Variants in SOAT1 observed in about 807,000 individuals in gnomAD.
SOAT1 encodes the protein acyl-coenzyme A:cholesterol acyltransferase 1.
SOAT1 carries 55 observed loss-of-function variants against 69.5 expected under a neutral mutation model. The ratio of observed to expected loss-of-function variants is 0.79; its 90% CI spans 0.64 to 0.99. The LOEUF (loss-of-function observed/expected upper bound fraction) is 0.99, where lower values mean the gene tolerates loss of function less well. Ranked by LOEUF, SOAT1 falls within the 50% of genes least tolerant of loss-of-function variation. The probability of loss-of-function intolerance (pLI) is 0.00; values close to 1 mark genes in which losing one functional copy is unlikely to be tolerated. For synonymous variants in SOAT1, 231 were observed against 224.7 expected, an observed-to-expected ratio of 1.03 and a Z score of -0.25; for missense variants, 580 against 669.3, an observed-to-expected ratio of 0.87 and a Z score of 1.47.
intron 4 of SOAT1, among the ~76,000 whole-genome samples, chr1:179,336,920 G>A (rs1047677588): frequency 4.0e-5 from 6 of 151,886 alleles, no homozygotes; most frequent in Admixed American, 6.6e-5. Flanking sequence ...ACTCAAACCC[G>A]GGGGAAGGAG....
chr1:179,327,473 TGTATAG>T (rs1271620802), intron 3 of SOAT1, among the ~76,000 whole-genome samples: 3 of 152,164 alleles, frequency 2.0e-5, no homozygotes, highest in Non-Finnish European at 2.9e-5. Flanking sequence ...TGCTTGTTAT[TGTATAG>T]GTAGTAGATA....
chr1:179,350,624 T>C (rs1666692083), intron 14 of SOAT1, among the ~76,000 whole-genome samples, 193 bp downstream of exon 14: 1 of 152,228 alleles, frequency 6.6e-6, no homozygotes, highest in African/African-American at 2.4e-5. Context: ...TATTTACACT[T>C]TGAAGTAGGG....
Position 179,299,745 on chromosome 1 carries a change from C to CTTTTTTTTTTTTTTT in SOAT1, c.-8-2920_-8-2906dup, listed in dbSNP as rs1162260815. Among the ~76,000 whole-genome samples, 17 of 69,520 alleles carry CTTTTTTTTTTTTTTT rather than the reference C, an allele frequency of 2.4e-4. 3 individuals are homozygous for CTTTTTTTTTTTTTTT. The highest frequency in any genetic ancestry group is 3.4e-4 in the African/African-American group (6 of 17,520). 45.6% of individuals were successfully genotyped at this position (69,520 alleles called of 152,430 possible). A position where few individuals can be genotyped will look rare whatever the true frequency, so the allele number is the denominator to read the frequency against. ...ATTTATTTTTTAATCATTTTGCTAT[C>CTTTTTTTTTTTTTTT]TTTTTTTTTTTTTTTTTTTTTTTTT... On this transcript the variant is annotated intron_variant, in intron 1 of 15. Transcript: ENST00000367619.
At chr1:179,342,795 TC>T in intron 8 of SOAT1, 66 bp from the exon 9 acceptor site, 8 of 1,102,770 alleles carry the variant, frequency 7.3e-6, no homozygotes, top group South Asian at 2.5e-5. Flanking sequence ...TTCCTTATAT[TC>T]CCCCCTGTAT....
chr1:179,350,189 A>G, intron 13 of SOAT1, 107 bp from the exon 14 acceptor site: 1 of 838,418 alleles, frequency 1.2e-6, no homozygotes, highest in Non-Finnish European at 1.8e-6. Context: ...TAGAAAATTA[A>G]GTACAAATAC....
chr1:179,315,266 G>A (rs536775155), intron 2 of SOAT1, among the ~76,000 whole-genome samples: 16 of 152,192 alleles, frequency 1.1e-4, no homozygotes, highest in African/African-American at 1.4e-4. Flanking sequence ...GCAACATAGC[G>A]AGGCTCTGCC....
chr1:179,326,877 A>T (rs539115230), intron 3 of SOAT1, among the ~76,000 whole-genome samples: 3 of 152,090 alleles, frequency 2.0e-5, no homozygotes, highest in Non-Finnish European at 4.4e-5. Flanking sequence ...ATGTTTCTGA[A>T]CAAGATATAG....
chr1:179,318,549 T>C (rs967368761), intron 2 of SOAT1, among the ~76,000 whole-genome samples: 1 of 152,104 alleles, frequency 6.6e-6, no homozygotes, highest in Non-Finnish European at 1.5e-5. Flanking sequence ...TAGAATGAAA[T>C]GAATTTTAGA....
chr1:179,321,884 C>CT (rs973412199), intron 2 of SOAT1, among the ~76,000 whole-genome samples: 1 of 149,502 alleles, frequency 6.7e-6, no homozygotes, highest in African/African-American at 2.5e-5. Context: ...TTCTTTTTTT[C>CT]TTTCCTTTTT....
At chr1:179,343,544 C>A in intron 9 of SOAT1, 46 bp from the exon 10 acceptor site, 1 of 1,522,348 alleles carries the variant, frequency 6.6e-7, no homozygotes, top group South Asian at 1.2e-5. Context: ...TATTCAAGTT[C>A]AATTACTTTA....
intron 2 of SOAT1, among the ~76,000 whole-genome samples, chr1:179,314,906 T>A (rs914424223): frequency 6.6e-6 from 1 of 152,190 alleles, no homozygotes; most frequent in Non-Finnish European, 1.5e-5. Flanking sequence ...CAAGCCTGAT[T>A]TTTTTAGAAA....
chr1:179,298,020 G>A (rs1203877968), intron 1 of SOAT1, among the ~76,000 whole-genome samples: 1 of 149,342 alleles, frequency 6.7e-6, no homozygotes, highest in African/African-American at 2.5e-5. Context: ...AAAAAAGATT[G>A]ATGGTGTTTA....
At chr1:179,329,074 A>G (rs1665884794) in intron 3 of SOAT1, among the ~76,000 whole-genome samples, 1 of 151,606 alleles carries the variant, frequency 6.6e-6, no homozygotes, top group Non-Finnish European at 1.5e-5. Context: ...TTGTTGCAAC[A>G]TATTCTGTTT....
At chr1:179,325,068 T>C (rs1301837472) in intron 3 of SOAT1, among the ~76,000 whole-genome samples, 12 of 151,626 alleles carry the variant, frequency 7.9e-5, no homozygotes, top group Non-Finnish European at 1.5e-5. Flanking sequence ...CCCAAAGTGC[T>C]GGGATTACAG....
Position 179,342,146 on chromosome 1 carries a change from CAGAG to C in SOAT1, c.817_820del (p.Glu273ThrfsTer6). 1.2e-6 allele frequency: 2 copies of C among 1,613,450 alleles called. No individual in the cohort carries two copies. Among genetic ancestry groups the C allele is most frequent in the Non-Finnish European group, 1.7e-6 (2 of 1,179,594 alleles). ...TTGTAATGAAGGCCCACTCATTTGT[CAGAG>C]AGAACGTGCCTCGGGTACTAAATTC... is the stretch of plus-strand genomic sequence containing the variant. On this transcript the variant is annotated frameshift_variant, in exon 8 of 16. Coordinates refer to ENST00000367619, the MANE Select transcript of SOAT1 (RefSeq NM_003101.6). LOFTEE classifies it high-confidence loss of function.
chr1:179,336,170 C>T (rs1231078902), intron 4 of SOAT1, among the ~76,000 whole-genome samples: 1 of 139,498 alleles, frequency 7.2e-6, no homozygotes, highest in Non-Finnish European at 1.5e-5. Context: ...AAAAAAAAGA[C>T]TGACTAATAA....
At chr1:179,351,618 T>C (rs1666736865) in intron 15 of SOAT1, among the ~76,000 whole-genome samples, 156 bp downstream of exon 15, 1 of 152,098 alleles carries the variant, frequency 6.6e-6, no homozygotes, top group South Asian at 2.1e-4. Context: ...TATCATCTGA[T>C]CTTATTGTAC....
At chr1:179,296,378 T>C (rs1337309107) in intron 1 of SOAT1, among the ~76,000 whole-genome samples, 1 of 152,162 alleles carries the variant, frequency 6.6e-6, no homozygotes, top group Non-Finnish European at 1.5e-5. Flanking sequence ...GTATCCCCCA[T>C]GGATATGGGA....
Position 179,299,430 on chromosome 1 carries a change from T to C in SOAT1, c.-8-3247T>C, listed in dbSNP as rs546715162. On this transcript the variant is annotated intron_variant, in intron 1 of 15. Coordinates refer to ENST00000367619, the MANE Select transcript of SOAT1 (RefSeq NM_003101.6). ...ATCAGAACTGTTGGTATTAATTCTA[T>C]TACTGCTGTAGCTGTGATTCTTTGA... Among the ~76,000 whole-genome samples, 8 of 152,296 alleles carry C rather than the reference T, an allele frequency of 5.3e-5. No individual in the cohort carries two copies. The East Asian group carries it at 1.5e-3, about 29-fold the overall frequency.
Sources: allele counts gnomAD v4.1 joint callset (sites outside exome capture counted in the v4.1 genomes callset), GRCh38; gene constraint gnomAD v4.1.1; transcripts MANE v1.5; gene names NCBI Gene and HGNC (gene_info 2026-07-23, HGNC 2026-07-21).